Variants in KCNK9 observed in about 807,000 individuals in gnomAD.
The protein encoded by KCNK9 is potassium channel subfamily K member 9.
A neutral mutation model predicts 10.8 loss-of-function variants in KCNK9; 1 was observed. The ratio of observed to expected loss-of-function variants is 0.09; its 90% CI spans 0.03 to 0.44. The LOEUF is 0.44. Ranked by LOEUF, KCNK9 falls within the 20% of genes least tolerant of loss-of-function variation. The probability of loss-of-function intolerance (pLI) is 0.97; values close to 1 mark genes in which losing one functional copy is unlikely to be tolerated. For synonymous variants in KCNK9, 231 were observed against 222.7 expected (o/e 1.04, Z -0.33); for missense variants, 303 against 515.0 (o/e 0.59, Z 3.98).
rs1386071979 is a variant in KCNK9 at position 139,702,613 on chromosome 8, C to T, written c.283+97G>A. ...GGCCCCCAAGGGAGGCTGCGTTTAA[C>T]CCTCGACGCCCTGCACCCAGCCCGG... On this transcript the variant is annotated intron_variant, in intron 1 of 1. Coordinates refer to ENST00000520439, the MANE Select transcript of KCNK9 (RefSeq NM_001282534.2). This position sits in a 1 kb window ranked among gnomAD's most constrained non-coding sequence, Gnocchi z 7.5. 1 of 1,290,442 alleles carries T rather than the reference C, an allele frequency of 7.7e-7. No homozygotes were observed. Among genetic ancestry groups the T allele is most frequent in the Non-Finnish European group, 1.1e-6 (1 of 949,656 alleles). The allele number at this position is 1,290,442 out of a possible 1,614,324, so 79.9% of individuals were successfully genotyped here. A position where few individuals can be genotyped will look rare whatever the true frequency, so the allele number is the denominator to read the frequency against.
At chr8:139,673,036 G>T (rs1471122038) in intron 1 of KCNK9, among the ~76,000 whole-genome samples, 1 of 152,220 alleles carries the variant, frequency 6.6e-6, no homozygotes, top group African/African-American at 2.4e-5. Context: ...ACCACGTGCA[G>T]AACGGGATTC....
chr8:139,700,355 G>A (rs1192570276), intron 1 of KCNK9, among the ~76,000 whole-genome samples: 2 of 152,152 alleles, frequency 1.3e-5, no homozygotes, highest in Non-Finnish European at 2.9e-5. Flanking sequence ...GTTGGGAAAT[G>A]ACCTCTCTCT....
intron 1 of KCNK9, among the ~76,000 whole-genome samples, chr8:139,654,507 C>G (rs964486987): frequency 2.0e-5 from 3 of 152,204 alleles, no homozygotes; most frequent in Non-Finnish European, 1.5e-5. Context: ...ATGATCCCCA[C>G]AACCAGACAA....
chr8:139,607,291 G>T (rs1035379), intron 2 of KCNK9, among the ~76,000 whole-genome samples: 108,344 of 152,116 alleles, frequency 0.71, 39,623 homozygotes, highest in African/African-American at 0.9. Flanking sequence ...TGTGGTCCAT[G>T]GGCATCTTAG....
intron 1 of KCNK9, among the ~76,000 whole-genome samples, chr8:139,671,003 C>T (rs191948244): frequency 9.2e-5 from 14 of 152,308 alleles, no homozygotes; most frequent in African/African-American, 3.1e-4. Context: ...CCAAGCCATG[C>T]GGAGAACCTC....
chr8:139,603,703 G>A (rs1817423840), intron 2 of KCNK9, among the ~76,000 whole-genome samples: 1 of 152,174 alleles, frequency 6.6e-6, no homozygotes, highest in Non-Finnish European at 1.5e-5. Flanking sequence ...ACCTGCTCAG[G>A]GTGTCCCTCT....
intron 1 of KCNK9, among the ~76,000 whole-genome samples, chr8:139,641,874 A>C (rs925151167): frequency 1.3e-5 from 2 of 152,048 alleles, no homozygotes; most frequent in African/African-American, 4.8e-5. Context: ...CAGAGTGAGC[A>C]CTCAGGGAGT....
intron 1 of KCNK9, among the ~76,000 whole-genome samples, chr8:139,673,284 T>C (rs1816477903): frequency 6.6e-6 from 1 of 152,234 alleles, no homozygotes. Flanking sequence ...ACTGTGGAGA[T>C]GGCTGCGCAT....
At chr8:139,679,869 C>T (rs1816646541) in intron 1 of KCNK9, among the ~76,000 whole-genome samples, 1 of 152,216 alleles carries the variant, frequency 6.6e-6, no homozygotes, top group African/African-American at 2.4e-5. Context: ...CCCCCAACTC[C>T]ACTCTGTCCT....
intron 1 of KCNK9, among the ~76,000 whole-genome samples, chr8:139,687,603 TAC>T (rs1816840372): frequency 1.8e-5 from 1 of 56,934 alleles, no homozygotes; most frequent in Non-Finnish European, 3.7e-5. Flanking sequence ...TTCATATGTA[TAC>T]ATATGTATAC....
At chr8:139,639,661 G>T (rs947280650) in intron 1 of KCNK9, among the ~76,000 whole-genome samples, 1 of 152,222 alleles carries the variant, frequency 6.6e-6, no homozygotes, top group Non-Finnish European at 1.5e-5. Context: ...GGCTCAAAAA[G>T]CACATTCGTG....
chr8:139,635,537 C>T (rs551306598), intron 1 of KCNK9, among the ~76,000 whole-genome samples: 49 of 152,214 alleles, frequency 3.2e-4, no homozygotes, highest in Non-Finnish European at 6.9e-4. Flanking sequence ...CCTAACCTTG[C>T]AGAGAGTGAG....
chr8:139,611,287 A>G (rs1814415132), downstream of KCNK9: 1 of 152,264 alleles, frequency 6.6e-6, no homozygotes, highest in African/African-American at 2.4e-5. Context: ...TATAATCTCC[A>G]ATTTAAAGGT....
intron 1 of KCNK9, among the ~76,000 whole-genome samples, chr8:139,659,612 C>T (rs887480887): frequency 6.6e-6 from 1 of 152,204 alleles, no homozygotes; most frequent in East Asian, 1.9e-4. Flanking sequence ...CCCAGGTTCA[C>T]GCCGTTCTCT....
chr8:139,602,829 G>A (rs1282721395), intron 2 of KCNK9, among the ~76,000 whole-genome samples: 1 of 152,222 alleles, frequency 6.6e-6, no homozygotes, highest in Non-Finnish European at 1.5e-5. Flanking sequence ...AACATCTGCT[G>A]TGGCTCTTAA....
intron 1 of KCNK9, among the ~76,000 whole-genome samples, chr8:139,689,473 C>A (rs900383591): frequency 2.6e-5 from 4 of 152,120 alleles, no homozygotes; most frequent in African/African-American, 7.2e-5. Context: ...GATGCTGTAC[C>A]ATTGCTTTGG....
At chr8:139,649,105 C>G (rs1815777488) in intron 1 of KCNK9, among the ~76,000 whole-genome samples, 1 of 152,206 alleles carries the variant, frequency 6.6e-6, no homozygotes, top group Non-Finnish European at 1.5e-5. Context: ...GTGGCCTCCC[C>G]TCCCACACCT....
At chr8:139,612,951 GAAC>G (rs1325076689), downstream of KCNK9, among the ~76,000 whole-genome samples, 1 of 152,182 alleles carries the variant, frequency 6.6e-6, no homozygotes, top group Non-Finnish European at 1.5e-5. Flanking sequence ...GGGAAGTCTG[GAAC>G]AACAAGACAA....
In KCNK9 at chr8:139,665,896, G is replaced by C. The variant is rs571363926; in HGVS notation, c.283+36814C>G. On this transcript the variant is annotated intron_variant, in intron 1 of 1. Transcript: ENST00000520439. ...CTGGCACTGCTGGCCCACAAATGGC[G>C]TCAGTGTGGCCGAGCCTGAGAAGCT... Among the ~76,000 whole-genome samples the C allele has an allele frequency of 3.9e-4, 60 of 152,346 alleles. 2 individuals carry two copies. In the South Asian group the frequency reaches 7.0e-3, roughly 18 times the overall value.
Sources: gnomAD v4.1 joint callset for allele counts (sites outside exome capture counted in the v4.1 genomes callset) on GRCh38, gnomAD v4.1.1 for gene constraint, Gnocchi (gnomAD v3.1) non-coding constraint, MANE v1.5 for transcripts, NCBI Gene and HGNC (gene_info 2026-07-23, HGNC 2026-07-21) for gene names.